Variants in PCDHGB6 observed in about 807,000 individuals in gnomAD.
PCDHGB6 encodes protocadherin gamma subfamily B, 6.
In PCDHGB6, 51 loss-of-function variants were observed where a neutral mutation model predicts 59.1. The observed-to-expected ratio is 0.86, with a 90% CI of 0.69 to 1.09. PCDHGB6 has a LOEUF of 1.09. PCDHGB6 is among the 50% of genes least tolerant of loss of function. The pLI is 0.00. For missense variants in PCDHGB6, 1,148 were observed against 1,205.1 expected (o/e 0.95, Z 0.70); for synonymous variants, 466 against 495.1 (o/e 0.94, Z 0.78).
intron 1 of PCDHGB6, among the ~76,000 whole-genome samples, chr5:141,436,328 A>G (rs146180035): frequency 6.6e-6 from 1 of 152,326 alleles, no homozygotes; most frequent in East Asian, 1.9e-4. Flanking sequence ...CTGTTAGACC[A>G]TATCTCAAAT....
At chr5:141,466,510 AT>A (rs1222513096) in intron 1 of PCDHGB6, among the ~76,000 whole-genome samples, 1 of 151,938 alleles carries the variant, frequency 6.6e-6, no homozygotes, top group Non-Finnish European at 1.5e-5. Context: ...AGACAAGATC[AT>A]TTTTTTTCCT....
At position 141,410,454 on chromosome 5, in the gene PCDHGB6, C is replaced by T. The variant is rs199849689; in HGVS notation, c.2252C>T (p.Ser751Phe). 5,103 of 1,614,034 alleles carry T rather than the reference C, an allele frequency of 3.2e-3. 16 individuals are homozygous for T. Among genetic ancestry groups the T allele is most frequent in the Non-Finnish European group, 4.0e-3 (4,661 of 1,179,898 alleles). Residue 751 changes from serine (S) to phenylalanine (F), a missense_variant, in exon 1 of 4, where the codon TCT (serine) becomes TTT (phenylalanine). Physicochemically the swap from Ser to Phe is radical, Grantham distance 155. Transcript: ENST00000520790. ...TACAGTGAGGGGACTTTGCCTTATT[C>T]TTATAATCTGTGCATTGCACATACG... is the stretch of plus-strand genomic sequence containing the variant. ...PNYSEGTLPY[S>F]YNLCIAHTGT...
intron 1 of PCDHGB6, among the ~76,000 whole-genome samples, chr5:141,456,460 C>G (rs1444956833): frequency 6.6e-6 from 1 of 152,002 alleles, no homozygotes; most frequent in East Asian, 1.9e-4. Context: ...AATATCAATA[C>G]AAGACATATA....
Position 141,422,468 on chromosome 5 carries a change from A to T in PCDHGB6, c.2418+11848A>T, listed in dbSNP as rs555211298. On this transcript the variant is annotated intron_variant, in intron 1 of 3. Transcript: ENST00000520790. ...ATAACAAGCAGAGTGCTGGACAGGG[A>T]GTTGGTCCAGAGCTACAATATAACG... 59 of 1,613,640 alleles carry T rather than the reference A, an allele frequency of 3.7e-5. No homozygotes were observed. In the South Asian group the frequency reaches 4.7e-4, roughly 13 times the overall value.
intron 1 of PCDHGB6, among the ~76,000 whole-genome samples, chr5:141,434,703 G>C (rs1198306104): frequency 6.6e-6 from 1 of 151,730 alleles, no homozygotes; most frequent in Non-Finnish European, 1.5e-5. Context: ...TAAATATGTG[G>C]GTAAATCTCT....
chr5:141,504,988 C>T (rs886919738), intron 2 of PCDHGB6, among the ~76,000 whole-genome samples: 2 of 152,036 alleles, frequency 1.3e-5, no homozygotes, highest in African/African-American at 4.8e-5. Context: ...ATGGTGAAAC[C>T]CCGTCTGTAC....
At chr5:141,499,689 CTTT>C (rs545067566) in intron 2 of PCDHGB6, among the ~76,000 whole-genome samples, 2 of 119,848 alleles carry the variant, frequency 1.7e-5, no homozygotes, top group African/African-American at 3.1e-5. Context: ...TAACAGATGA[CTTT>C]TTTTTTTTTT....
At position 141,463,438 on chromosome 5, in the gene PCDHGB6, C is replaced by CTTTTT. The variant is rs71576115; in HGVS notation, c.2419-31345_2419-31341dup. On this transcript the variant is annotated intron_variant, in intron 1 of 3. Coordinates refer to ENST00000520790, the MANE Select transcript of PCDHGB6 (RefSeq NM_018926.3). ...GTTTGCGGATCCTCATTTCCTTCTC[C>CTTTTT]TTTTTTTTTTTTTTTTTTTTTTTTT... is the stretch of plus-strand genomic sequence containing the variant. 3.0e-4 allele frequency among the ~76,000 whole-genome samples: 31 copies of CTTTTT among 103,252 alleles called. 1 individual carries two copies. Among genetic ancestry groups the CTTTTT allele is most frequent in the African/African-American group, 1.2e-3 (26 of 22,402 alleles). The allele number at this position is 103,252 out of a possible 152,430, so 67.7% of individuals were successfully genotyped here.
intron 1 of PCDHGB6, chr5:141,422,258 A>G (rs2096637047): frequency 6.4e-7 from 1 of 1,565,282 alleles, no homozygotes; most frequent in East Asian, 2.2e-5. Flanking sequence ...GTGAATGATA[A>G]CGCTCCAGAA....
intron 1 of PCDHGB6, chr5:141,492,018 G>A: frequency 1.7e-6 from 1 of 585,594 alleles, no homozygotes; most frequent in Admixed American, 3.7e-5. Flanking sequence ...GGGTGTCGGG[G>A]GTCCCGGGAG....
chr5:141,491,726 C>T lies in PCDHGB6; in HGVS notation c.2419-3081C>T. On this transcript the variant is annotated intron_variant, in intron 1 of 3. Transcript: ENST00000520790. This position sits in a 1 kb window ranked among gnomAD's most constrained non-coding sequence, Gnocchi z 6.9. ...GTGAGGGGCTCGGCGCCGCCCCGGG[C>T]GACCCCTGGGGGCGGCACTGGAGAA... The T allele has an allele frequency of 6.2e-7, 1 of 1,605,884 alleles. No individual in the cohort carries two copies. Among genetic ancestry groups the T allele is most frequent in the East Asian group, 2.2e-5 (1 of 44,600 alleles).
At chr5:141,442,089 C>A in intron 1 of PCDHGB6, 1 of 170,684 alleles carries the variant, frequency 5.9e-6, no homozygotes, top group South Asian at 1.1e-4. Context: ...CTCGCTACCG[C>A]CACGTCACCA....
intron 3 of PCDHGB6, among the ~76,000 whole-genome samples, chr5:141,506,429 A>G (rs1406730781): frequency 7.0e-6 from 1 of 143,144 alleles, no homozygotes; most frequent in Non-Finnish European, 1.5e-5. Flanking sequence ...CCTGGGCAAC[A>G]GTCTCGCTCT....
At chr5:141,467,596 C>G (rs2099147035) in intron 1 of PCDHGB6, among the ~76,000 whole-genome samples, 1 of 152,202 alleles carries the variant, frequency 6.6e-6, no homozygotes, top group South Asian at 2.1e-4. Context: ...ATTTATTAAG[C>G]ACTTCATCTT....
At chr5:141,419,301 T>G in intron 1 of PCDHGB6, 6 of 1,613,998 alleles carry the variant, frequency 3.7e-6, no homozygotes, top group Non-Finnish European at 5.1e-6. Context: ...GACCCAGACT[T>G]CGGGCTCAAC....
Position 141,414,991 on chromosome 5 carries a change from G to A in PCDHGB6, c.2418+4371G>A, listed in dbSNP as rs1162432290. ...GGTGGACAGAGACTCCGGCCAGAAC[G>A]CCTGGCTGTCCTACCGTCTGCTCAA... On this transcript the variant is annotated intron_variant, in intron 1 of 3. Transcript: ENST00000520790. 10 of 1,613,648 alleles carry A rather than the reference G, an allele frequency of 6.2e-6. No homozygotes were observed. The Admixed American group carries it at 1.2e-4, about 19-fold the overall frequency.
Position 141,409,596 on chromosome 5 carries a change from AC to A in PCDHGB6, c.1397del (p.Pro466ArgfsTer9). 1 of 1,613,714 alleles carries A rather than the reference AC, an allele frequency of 6.2e-7. No individual in the cohort carries two copies. The highest frequency in any genetic ancestry group is 8.5e-7 in the Non-Finnish European group (1 of 1,179,888). On this transcript the variant is annotated frameshift_variant, in exon 1 of 4. Coordinates refer to ENST00000520790, the MANE Select transcript of PCDHGB6 (RefSeq NM_018926.3). LOFTEE classifies it high-confidence loss of function. ...TACGTGGTCCACGTGGCCGAGAACA[AC>A]CCGCCAGGAGCCTCCATTGCGCAAG... ...TSYVVHVAENNPPGASIAQVS... is the reference protein window; with the variant it reads ...TSYVVHVAENXPPGASIAQVS...
chr5:141,481,179 T>C (rs115525079), intron 1 of PCDHGB6, among the ~76,000 whole-genome samples: 16 of 152,358 alleles, frequency 1.1e-4, no homozygotes, highest in African/African-American at 3.6e-4. Flanking sequence ...TCCAGCTTTA[T>C]TGGGCCAGGC....
At chr5:141,445,838 A>T (rs1302150397) in intron 1 of PCDHGB6, among the ~76,000 whole-genome samples, 1 of 152,218 alleles carries the variant, frequency 6.6e-6, no homozygotes, top group South Asian at 2.1e-4. Flanking sequence ...GAGCCTTGTA[A>T]ATCACACTTA....
Sources: allele counts gnomAD v4.1 joint callset (sites outside exome capture counted in the v4.1 genomes callset), GRCh38; gene constraint gnomAD v4.1.1; non-coding constraint Gnocchi (gnomAD v3.1); transcripts MANE v1.5; gene names NCBI Gene and HGNC (gene_info 2026-07-23, HGNC 2026-07-21).